The following CAPZB variants were observed in gnomAD, a reference collection of about 807,000 sequenced individuals.
The protein encoded by CAPZB is F-actin-capping protein subunit beta.
In CAPZB, 2 loss-of-function variants were observed where a neutral mutation model predicts 38.1. The ratio of observed to expected loss-of-function variants is 0.05; its 90% confidence interval spans 0.02 to 0.17. CAPZB has a LOEUF of 0.17. CAPZB is among the 10% of genes least tolerant of loss of function. The pLI is 1.00. For missense variants in CAPZB, 161 were observed against 334.2 expected, an observed-to-expected ratio of 0.48 and a Z score of 4.04; for synonymous variants, 107 against 127.4, an observed-to-expected ratio of 0.84 and a Z score of 1.08.
chr1:19,363,279 T>TTTTTTTTTG (rs397979443), intron 4 of CAPZB, among the ~76,000 whole-genome samples: 1 of 148,524 alleles, frequency 6.7e-6, no homozygotes, highest in Non-Finnish European at 1.5e-5. Context: ...TTTTTTTTTT[T>TTTTTTTTTG]AGAGACAGGG....
intron 1 of CAPZB, among the ~76,000 whole-genome samples, chr1:19,439,821 C>T (rs1324975124): frequency 2.0e-5 from 3 of 152,160 alleles, no homozygotes; most frequent in African/African-American, 4.8e-5. Context: ...TAATAGGCGC[C>T]AACCATTTCA....
At chr1:19,428,741 T>C (rs1004698385) in intron 1 of CAPZB, among the ~76,000 whole-genome samples, 14 of 152,186 alleles carry the variant, frequency 9.2e-5, no homozygotes, top group African/African-American at 2.9e-4. Context: ...GGCCTGGCTC[T>C]GCCCCGAGCC....
At chr1:19,424,577 G>T (rs1433193357) in intron 1 of CAPZB, 1 of 152,370 alleles carries the variant, frequency 6.6e-6, no homozygotes, top group Non-Finnish European at 1.5e-5. Flanking sequence ...ACCGGCCCAG[G>T]ACAGAAACGG....
chr1:19,461,523 G>A (rs1248964474), intron 1 of CAPZB, among the ~76,000 whole-genome samples: 2 of 152,230 alleles, frequency 1.3e-5, no homozygotes, highest in Non-Finnish European at 1.5e-5. Flanking sequence ...TGAGGGGCAT[G>A]AGCTGGCTTC....
intron 1 of CAPZB, chr1:19,484,066 C>A (rs1240499812): frequency 2.1e-6 from 2 of 961,478 alleles, no homozygotes; most frequent in East Asian, 2.7e-5. Context: ...GGCAGGAGGG[C>A]AGGTCTATCT....
intron 8 of CAPZB, chr1:19,342,714 T>G: frequency 5.2e-6 from 7 of 1,333,452 alleles, no homozygotes; most frequent in Non-Finnish European, 7.5e-6. Flanking sequence ...TGAGTCCTGT[T>G]TTAGTGGGGA....
chr1:19,478,093 T>C (rs1388781370), intron 1 of CAPZB, among the ~76,000 whole-genome samples: 4 of 152,142 alleles, frequency 2.6e-5, no homozygotes, highest in African/African-American at 4.8e-5. Flanking sequence ...GAGCCAGTGG[T>C]AACAACTGCT....
At chr1:19,410,325 C>T (rs2094351722) in intron 2 of CAPZB, among the ~76,000 whole-genome samples, 1 of 152,216 alleles carries the variant, frequency 6.6e-6, no homozygotes, top group South Asian at 2.1e-4. Context: ...AAATAAGCTC[C>T]CTTACTGAAC....
chr1:19,343,696 C>T (rs2093945119), intron 8 of CAPZB, among the ~76,000 whole-genome samples: 2 of 152,256 alleles, frequency 1.3e-5, no homozygotes, highest in Admixed American at 1.3e-4. Flanking sequence ...AGAGGCCTGC[C>T]TCCTGCTCTG....
chr1:19,380,735 A>G (rs1283318784), intron 3 of CAPZB, among the ~76,000 whole-genome samples: 1 of 152,212 alleles, frequency 6.6e-6, no homozygotes, highest in Admixed American at 6.5e-5. Context: ...ATGGGAATCA[A>G]TTTGAATGCA....
rs181598163 is a variant in CAPZB, at chr1:19,475,419, C to T, written c.3+10017G>A. Among the ~76,000 whole-genome samples, 9 of 152,336 alleles carry T rather than the reference C, an allele frequency of 5.9e-5. No individual in the cohort carries two copies. The East Asian group carries it at 1.5e-3, about 26-fold the overall frequency. ...GTGTGACTTCAGGCCAAGCGCTCAG[C>T]GCCCACCATGTGCACAGCGTTCAGT... On this transcript the variant is annotated intron_variant, in intron 1 of 8. Coordinates refer to ENST00000264202, the MANE Select transcript of CAPZB (RefSeq NM_004930.5).
chr1:19,346,996 A>T (rs4912073), intron 6 of CAPZB, among the ~76,000 whole-genome samples: 33,859 of 147,400 alleles, frequency 0.23, 4,099 homozygotes, highest in Non-Finnish European at 0.26. Flanking sequence ...GCTTTTTTTT[A>T]TTTTTATTTT....
At chr1:19,484,624 T>TC in intron 1 of CAPZB, 1 of 1,176,696 alleles carries the variant, frequency 8.5e-7, no homozygotes, top group Non-Finnish European at 1.1e-6. Flanking sequence ...CTCCCCTCGC[T>TC]CCCCAAAGGC....
chr1:19,462,150 T>C (rs2094553801), intron 1 of CAPZB, among the ~76,000 whole-genome samples: 1 of 151,216 alleles, frequency 6.6e-6, no homozygotes, highest in South Asian at 2.1e-4. Flanking sequence ...ATACCCCATC[T>C]CTTTAAAAAA....
chr1:19,374,947 C>T (rs1434400391), intron 4 of CAPZB, among the ~76,000 whole-genome samples: 1 of 152,188 alleles, frequency 6.6e-6, no homozygotes, highest in Non-Finnish European at 1.5e-5. Flanking sequence ...ACTGCCTCTC[C>T]ACCCCATGGA....
At chr1:19,382,133 A>C (rs2094178665) in intron 3 of CAPZB, among the ~76,000 whole-genome samples, 1 of 152,150 alleles carries the variant, frequency 6.6e-6, no homozygotes, top group Non-Finnish European at 1.5e-5. Flanking sequence ...CTGATTAGAC[A>C]CAAGAGCCCA....
chr1:19,421,365 T>C (rs1253635580), intron 1 of CAPZB, among the ~76,000 whole-genome samples: 1 of 152,232 alleles, frequency 6.6e-6, no homozygotes, highest in Non-Finnish European at 1.5e-5. Flanking sequence ...GATATTGACA[T>C]GGCATATACA....
At chr1:19,456,205 C>A (rs2094532631) in intron 1 of CAPZB, among the ~76,000 whole-genome samples, 1 of 152,208 alleles carries the variant, frequency 6.6e-6, no homozygotes, top group Admixed American at 6.5e-5. Flanking sequence ...AACCACCAGG[C>A]CCGGTCCACA....
chr1:19,421,220 A>G lies in CAPZB; in HGVS notation c.4-1470T>C, dbSNP rs566697623. 3.9e-5 allele frequency among the ~76,000 whole-genome samples: 6 copies of G among 152,356 alleles called. No homozygotes were observed. In the South Asian group the frequency reaches 1.2e-3, roughly 32 times the overall value. ...AAATGCCACATTTGGCCTTAACGAA[A>G]TATAACTTTTGAATATTACCGTTTA... On this transcript the variant is annotated intron_variant, in intron 1 of 8. Transcript: ENST00000264202.
Sources: allele counts gnomAD v4.1 joint callset (sites outside exome capture counted in the v4.1 genomes callset), GRCh38; gene constraint gnomAD v4.1.1; transcripts MANE v1.5; gene names NCBI Gene and HGNC (gene_info 2026-07-23, HGNC 2026-07-21).